DAB1: variants seen among roughly 807,000 people sequenced by gnomAD.
The protein encoded by DAB1 is DAB adaptor protein 1.
DAB1 carries 15 observed loss-of-function variants against 64.6 expected under a neutral mutation model. The observed-to-expected ratio is 0.23, with a 90% CI of 0.16 to 0.36. The LOEUF (loss-of-function observed/expected upper bound fraction) is 0.36, where lower values mean the gene tolerates loss of function less well. DAB1 is among the 10% of genes least tolerant of loss of function. The pLI, the probability that DAB1 is intolerant of heterozygous loss-of-function variation, is 1.00. For synonymous variants in DAB1, 235 were observed against 251.9 expected, an observed-to-expected ratio of 0.93 and a Z score of 0.64; for missense variants, 596 against 706.7, an observed-to-expected ratio of 0.84 and a Z score of 1.78.
intron 4 of DAB1, among the ~76,000 whole-genome samples, chr1:58,237,228 T>C (rs1397834379): frequency 6.6e-6 from 1 of 152,008 alleles, no homozygotes; most frequent in Non-Finnish European, 1.5e-5. Context: ...TTGAATGTAG[T>C]GAAATAAGTA....
chr1:58,531,619 T>C (rs906756044), intron 1 of DAB1, among the ~76,000 whole-genome samples: 3 of 152,172 alleles, frequency 2.0e-5, no homozygotes, highest in African/African-American at 7.2e-5. Context: ...TTAACAAATA[T>C]TGTACCCTCA....
chr1:57,257,473 G>A (rs1669852478), intron 2 of DAB1, among the ~76,000 whole-genome samples: 1 of 152,186 alleles, frequency 6.6e-6, no homozygotes, highest in Non-Finnish European at 1.5e-5. Flanking sequence ...AATCCATATA[G>A]AAAATGTATT....
At chr1:57,216,212 G>T (rs1405109659) in intron 2 of DAB1, among the ~76,000 whole-genome samples, 1 of 151,898 alleles carries the variant, frequency 6.6e-6, no homozygotes, top group African/African-American at 2.4e-5. Flanking sequence ...CCTTAGGAAG[G>T]TTACTTACCT....
intron 11 of DAB1, among the ~76,000 whole-genome samples, chr1:57,016,740 T>C (rs1050712379): frequency 6.6e-6 from 1 of 152,198 alleles, no homozygotes; most frequent in Non-Finnish European, 1.5e-5. Flanking sequence ...GTAAGACATA[T>C]ACATTTCAAC....
At chr1:58,440,475 C>T (rs182010491) in intron 3 of DAB1, among the ~76,000 whole-genome samples, 5 of 152,146 alleles carry the variant, frequency 3.3e-5, no homozygotes, top group Admixed American at 2.0e-4. Context: ...CTGGCCAAGG[C>T]AAAAATGGAA....
intron 7 of DAB1, among the ~76,000 whole-genome samples, chr1:57,544,535 C>T (rs1197092969): frequency 6.6e-6 from 1 of 152,148 alleles, no homozygotes; most frequent in Non-Finnish European, 1.5e-5. Context: ...ACTTTCATCC[C>T]ACACTCTGTT....
chr1:57,026,056 A>G lies in DAB1; in HGVS notation c.724-13T>C. On this transcript the variant is annotated splice_polypyrimidine_tract_variant and intron_variant, in intron 9 of 14. Transcript: ENST00000371236. ...ATTGGGTCACAGCCTGTAAAGACAA[A>G]AAGGTAATCATGTGACTACAAAGAA... The G allele has an allele frequency of 6.2e-7, 1 of 1,600,320 alleles. No homozygotes were observed. The highest frequency in any genetic ancestry group is 8.5e-7 in the Non-Finnish European group (1 of 1,172,930).
At chr1:57,279,534 A>G (rs1671728373) in intron 2 of DAB1, among the ~76,000 whole-genome samples, 1 of 152,204 alleles carries the variant, frequency 6.6e-6, no homozygotes, top group South Asian at 2.1e-4. Context: ...ATTTCATACC[A>G]GCATCATTCA....
chr1:58,441,253 T>G (rs551440323), intron 3 of DAB1, among the ~76,000 whole-genome samples: 1 of 152,328 alleles, frequency 6.6e-6, no homozygotes, highest in Non-Finnish European at 1.5e-5. Context: ...ATGTCTGCTC[T>G]AAATCCCAGA....
chr1:57,245,929 A>T (rs529527), intron 2 of DAB1, among the ~76,000 whole-genome samples: 89,019 of 152,038 alleles, frequency 0.59, 26,272 homozygotes, highest in Admixed American at 0.66. Context: ...AAAGCATTCA[A>T]GAGGTGACCC....
chr1:57,424,982 C>T (rs1685225496), upstream of DAB1, among the ~76,000 whole-genome samples: 1 of 152,198 alleles, frequency 6.6e-6, no homozygotes, highest in African/African-American at 2.4e-5. Flanking sequence ...CAGTCAGTTG[C>T]TCCTTGCTTA....
At chr1:57,865,288 G>A (rs1358535584) in intron 1 of DAB1, among the ~76,000 whole-genome samples, 1 of 152,154 alleles carries the variant, frequency 6.6e-6, no homozygotes, top group Non-Finnish European at 1.5e-5. Flanking sequence ...GCTAGAAAAG[G>A]CAGTCCTTGT....
intron 2 of DAB1, among the ~76,000 whole-genome samples, chr1:57,200,384 G>A (rs1255748808): frequency 6.6e-6 from 1 of 152,210 alleles, no homozygotes; most frequent in African/African-American, 2.4e-5. Context: ...TTTAGTCTGT[G>A]AGAGGGAAAG....
intron 6 of DAB1, among the ~76,000 whole-genome samples, chr1:57,700,758 A>T (rs1646897388): frequency 6.6e-6 from 1 of 152,066 alleles, no homozygotes; most frequent in East Asian, 1.9e-4. Context: ...TTTTGTTTTT[A>T]TTTCTTTGAA....
At chr1:58,228,845 G>T in intron 4 of DAB1, 1 of 619,622 alleles carries the variant, frequency 1.6e-6, no homozygotes, top group Non-Finnish European at 3.0e-6. Flanking sequence ...GAGACACCAG[G>T]GAGCTCAGCA....
At chr1:57,597,729 C>T (rs1024679150) in intron 7 of DAB1, among the ~76,000 whole-genome samples, 3 of 152,128 alleles carry the variant, frequency 2.0e-5, no homozygotes, top group Admixed American at 6.5e-5. Context: ...TTCTTTAATA[C>T]AGAGAAGAAA....
chr1:58,359,136 G>T (rs950067978), intron 3 of DAB1, among the ~76,000 whole-genome samples: 10 of 151,938 alleles, frequency 6.6e-5, no homozygotes, highest in Non-Finnish European at 1.3e-4. Flanking sequence ...TGAATGTCTG[G>T]GTCATATGGA....
chr1:58,107,926 T>C (rs2100645717), intron 5 of DAB1, among the ~76,000 whole-genome samples: 1 of 152,166 alleles, frequency 6.6e-6, no homozygotes, highest in Admixed American at 6.5e-5. Flanking sequence ...CAAGCTAGCA[T>C]GTTTTAAACA....
intron 14 of DAB1, among the ~76,000 whole-genome samples, chr1:57,007,631 A>G (rs138728627): frequency 7.3e-4 from 111 of 152,214 alleles, no homozygotes; most frequent in African/African-American, 2.5e-3. Context: ...TCCTCTTACT[A>G]TGGTGTGATA....
Sources: gnomAD v4.1 joint callset for allele counts (sites outside exome capture counted in the v4.1 genomes callset) on GRCh38, gnomAD v4.1.1 for gene constraint, MANE v1.5 for transcripts, NCBI Gene and HGNC (gene_info 2026-07-23, HGNC 2026-07-21) for gene names.